MYCBP2: variants seen among roughly 807,000 people sequenced by gnomAD.
MYCBP2 encodes the protein MYC binding protein 2, also known as E3 ubiquitin-protein ligase MYCBP2.
In MYCBP2, 120 loss-of-function variants were observed where a neutral mutation model predicts 525.3. The ratio of observed to expected loss-of-function variants is 0.23; its 90% CI spans 0.20 to 0.27. The LOEUF is 0.27. Ranked by LOEUF, MYCBP2 falls within the 10% of genes least tolerant of loss-of-function variation. The probability of loss-of-function intolerance (pLI) is 1.00; values close to 1 mark genes in which losing one functional copy is unlikely to be tolerated. For synonymous variants in MYCBP2, 1,894 were observed against 1,955.8 expected (o/e 0.97, Z 0.83); for missense variants, 4,149 against 5,657.1 (o/e 0.73, Z 8.55).
chr13:77,081,509 GTTTTGT>G lies in MYCBP2; in HGVS notation c.11330_11335del (p.Asn3777_Lys3778del). The G allele has an allele frequency of 1.2e-6, 2 of 1,613,470 alleles. No individual in the cohort carries two copies. Among genetic ancestry groups the G allele is most frequent in the Non-Finnish European group, 1.7e-6 (2 of 1,179,866 alleles). The stretch of plus-strand genomic sequence containing the variant: ...TACACAGTTGATGGTGATGTTCTTA[GTTTTGT>G]TTTTATCTTCATCTCCTGATTCCCA... On this transcript the variant is annotated inframe_deletion, in exon 65 of 83. Transcript: ENST00000544440. This position sits in a 1 kb window ranked among gnomAD's most constrained non-coding sequence, Gnocchi z 4.6.
At chr13:77,317,634 C>A (rs2081107549) in intron 1 of MYCBP2, among the ~76,000 whole-genome samples, 2 of 152,128 alleles carry the variant, frequency 1.3e-5, no homozygotes, top group Non-Finnish European at 2.9e-5. Context: ...AAATGATTCT[C>A]CTATTCTATA....
At chr13:77,208,460 A>C (rs189813861) in intron 23 of MYCBP2, among the ~76,000 whole-genome samples, 1 of 152,362 alleles carries the variant, frequency 6.6e-6, no homozygotes, top group East Asian at 1.9e-4. Context: ...TAATATTAAA[A>C]AAAATCTAAA....
At chr13:77,257,892 A>G (rs1055641513) in intron 13 of MYCBP2, 63 bp from the exon 14 acceptor site, 49 of 1,382,594 alleles carry the variant, frequency 3.5e-5, no homozygotes, top group Admixed American at 7.3e-5. Context: ...TAGTAAAAGA[A>G]CTACCTCAAT....
chr13:77,188,554 AC>A (rs1377305538), intron 30 of MYCBP2, among the ~76,000 whole-genome samples: 1 of 152,226 alleles, frequency 6.6e-6, no homozygotes, highest in Non-Finnish European at 1.5e-5. Context: ...AAGTGGTTCA[AC>A]AAACTTCCTA....
intron 32 of MYCBP2, among the ~76,000 whole-genome samples, chr13:77,182,771 G>A (rs1178278333): frequency 6.6e-6 from 1 of 152,200 alleles, no homozygotes; most frequent in Non-Finnish European, 1.5e-5. Context: ...AAGGAGGGCG[G>A]GGAGGCCTAG....
In MYCBP2 at chr13:77,257,695, C is replaced by T; in HGVS notation, c.2152G>A (p.Gly718Ser). The change falls in exon 14 of 83, where the codon GGT (glycine) becomes AGT (serine). Residue 718 changes from glycine to serine, a missense_variant. Gly to Ser is a moderately conservative substitution (Grantham distance 56). Transcript: ENST00000544440. ...NNKGQCGRDT[G>S]AMNQGGKGFG... ...CCTTTCCCACCTTGGTTCATGGCAC[C>T]AGTATCTCGTCCACACTGTCCTTTA... 1.3e-6 allele frequency: 2 copies of T among 1,591,034 alleles called. No individual in the cohort carries two copies. The highest frequency in any genetic ancestry group is 1.7e-6 in the Non-Finnish European group (2 of 1,172,516).
chr13:77,263,277 T>C (rs1288211109), intron 10 of MYCBP2, among the ~76,000 whole-genome samples: 1 of 152,012 alleles, frequency 6.6e-6, no homozygotes, highest in Admixed American at 6.6e-5. Context: ...TATATTGTTG[T>C]AATAACATTT....
intron 1 of MYCBP2, among the ~76,000 whole-genome samples, chr13:77,313,327 T>C (rs1024709838): frequency 4.0e-5 from 6 of 151,642 alleles, no homozygotes; most frequent in African/African-American, 1.5e-4. Context: ...TTAAAGAAAG[T>C]AGAAAGAAAT....
At chr13:77,244,280 G>C (rs1050773782) in intron 15 of MYCBP2, among the ~76,000 whole-genome samples, 1 of 152,124 alleles carries the variant, frequency 6.6e-6, no homozygotes, top group Admixed American at 6.5e-5. Flanking sequence ...GAAGCTTTAG[G>C]ATTAAGTGAC....
chr13:77,201,338 G>A (rs1182512962), intron 26 of MYCBP2, among the ~76,000 whole-genome samples: 5 of 149,154 alleles, frequency 3.4e-5, no homozygotes, highest in African/African-American at 1.2e-4. Flanking sequence ...AACAAGAAGA[G>A]CTAACTATCC....
rs1286743713 is a variant in MYCBP2 at position 77,055,638 on chromosome 13, G to A, written c.13567C>T (p.Pro4523Ser). Residue 4523 changes from proline to serine, a missense_variant, in exon 80 of 83, where the codon CCT becomes TCT. Physicochemically the swap from Pro to Ser is moderately conservative, Grantham distance 74. Transcript: ENST00000544440. ...GGGTCATTATAAAACCTCACACCAG[G>A]AGTTGTGATAGCTTCACTCTTATGC... is the stretch of plus-strand genomic sequence containing the variant. Reference protein sequence around the residue: ...GLHKSEAITTPGVRFYNDPAG... With the variant: ...GLHKSEAITTSGVRFYNDPAG... 4 of 1,613,972 alleles carry A rather than the reference G, an allele frequency of 2.5e-6. No individual in the cohort carries two copies. The highest frequency in any genetic ancestry group is 3.4e-6 in the Non-Finnish European group (4 of 1,179,928).
In MYCBP2 at chr13:77,224,481, C is replaced by T; in HGVS notation, c.2909G>A (p.Gly970Glu). 1 of 1,609,894 alleles carries T rather than the reference C, an allele frequency of 6.2e-7. No homozygotes were observed. The highest frequency in any genetic ancestry group is 8.5e-7 in the Non-Finnish European group (1 of 1,177,748). The change falls in exon 20 of 83, where the codon GGG becomes GAG. Residue 970 changes from glycine (G) to glutamate (E), a missense_variant. Gly to Glu is a moderately conservative substitution (Grantham distance 98). Transcript: ENST00000544440. ...GTTGACATCTCCATGTCCTAGCTGC[C>T]CATGCTGCCCATAACCAAATGTATA... ...DVYTFGYGQHGQLGHGDVNSR... is the reference protein window; with the variant it reads ...DVYTFGYGQHEQLGHGDVNSR...
intron 46 of MYCBP2, among the ~76,000 whole-genome samples, chr13:77,153,130 A>G (rs530439016): frequency 1.3e-5 from 2 of 151,976 alleles, no homozygotes; most frequent in South Asian, 4.2e-4. Context: ...AACCATTCAT[A>G]TGACCTGATT....
intron 3 of MYCBP2, among the ~76,000 whole-genome samples, chr13:77,283,879 C>G (rs772922612): frequency 6.6e-6 from 1 of 152,150 alleles, no homozygotes; most frequent in Non-Finnish European, 1.5e-5. Flanking sequence ...GCCCCAGTGA[C>G]AGAGCCAGAC....
chr13:77,281,880 C>T (rs928661720), intron 3 of MYCBP2, among the ~76,000 whole-genome samples: 1 of 152,004 alleles, frequency 6.6e-6, no homozygotes, highest in Admixed American at 6.5e-5. Context: ...TTAAAAGGTC[C>T]TAAAATCACT....
intron 55 of MYCBP2, among the ~76,000 whole-genome samples, chr13:77,110,454 C>T (rs376623733): frequency 4.6e-5 from 7 of 152,168 alleles, no homozygotes; most frequent in South Asian, 4.1e-4. Flanking sequence ...CAAGACAATA[C>T]GTGCACAGCT....
chr13:77,079,020 C>T, intron 65 of MYCBP2, 131 bp from the exon 66 acceptor site: 1 of 669,848 alleles, frequency 1.5e-6, no homozygotes, highest in Non-Finnish European at 2.6e-6. Flanking sequence ...ATTGACCCCA[C>T]CCCATCCCTC....
At chr13:77,304,964 A>G (rs2079225005) in intron 1 of MYCBP2, among the ~76,000 whole-genome samples, 1 of 151,998 alleles carries the variant, frequency 6.6e-6, no homozygotes, top group Non-Finnish European at 1.5e-5. Context: ...AAAAAAATGT[A>G]ATATCTGAAT....
chr13:77,122,615 G>A (rs1481896081), intron 54 of MYCBP2, among the ~76,000 whole-genome samples: 2 of 151,176 alleles, frequency 1.3e-5, no homozygotes, highest in African/African-American at 4.9e-5. Flanking sequence ...GCATGAACCT[G>A]GGAGGCGGAG....
Sources: allele counts gnomAD v4.1 joint callset (sites outside exome capture counted in the v4.1 genomes callset), GRCh38; gene constraint gnomAD v4.1.1; non-coding constraint Gnocchi (gnomAD v3.1); transcripts MANE v1.5; gene names NCBI Gene and HGNC (gene_info 2026-07-23, HGNC 2026-07-21).